The following CBL variants were observed in gnomAD, a reference collection of about 807,000 sequenced individuals.
CBL encodes the protein Cbl proto-oncogene.
In CBL, 45 loss-of-function variants were observed where a neutral mutation model predicts 96.9. That is an observed-to-expected ratio of 0.46 (90% CI 0.37 to 0.60). The LOEUF (loss-of-function observed/expected upper bound fraction) is 0.60. Ranked by LOEUF, CBL falls within the 20% of genes least tolerant of loss-of-function variation. The pLI is 0.00. For synonymous variants in CBL, 420 were observed against 426.8 expected, an observed-to-expected ratio of 0.98 and a Z score of 0.20; for missense variants, 1,024 against 1,143.5, an observed-to-expected ratio of 0.90 and a Z score of 1.51.
intron 2 of CBL, among the ~76,000 whole-genome samples, chr11:119,258,376 G>T (rs1949727496): frequency 6.6e-6 from 1 of 152,198 alleles, no homozygotes; most frequent in South Asian, 2.1e-4. Context: ...AGTCATGGTG[G>T]AAGGTGAAGG....
At chr11:119,210,890 G>A (rs1393314213) in intron 1 of CBL, among the ~76,000 whole-genome samples, 1 of 152,120 alleles carries the variant, frequency 6.6e-6, no homozygotes, top group Admixed American at 6.6e-5. Flanking sequence ...AAGACACCCA[G>A]TGGATGCCTG....
intron 1 of CBL, among the ~76,000 whole-genome samples, chr11:119,231,563 C>T (rs932682625): frequency 9.2e-5 from 14 of 151,796 alleles, no homozygotes; most frequent in African/African-American, 3.4e-4. Flanking sequence ...ACAAAATTAG[C>T]CGGGCATGGT....
chr11:119,214,302 G>A (rs895963161), intron 1 of CBL, among the ~76,000 whole-genome samples: 2 of 151,184 alleles, frequency 1.3e-5, no homozygotes, highest in African/African-American at 4.9e-5. Flanking sequence ...GTACAGTCTC[G>A]GCTCAATGCA....
At chr11:119,297,627 T>C (rs1263115772) in intron 14 of CBL, 146 bp downstream of exon 14, 3 of 700,956 alleles carry the variant, frequency 4.3e-6, no homozygotes, top group Non-Finnish European at 7.7e-6. Context: ...CCGGCTAATT[T>C]TTGTATTTTT....
intron 3 of CBL, among the ~76,000 whole-genome samples, chr11:119,272,273 C>T (rs1299780073): frequency 1.3e-5 from 2 of 152,122 alleles, no homozygotes; most frequent in South Asian, 2.1e-4. Flanking sequence ...AGGTGCCTGC[C>T]ACCACGCCCG....
rs2135297183 is a variant in CBL, at chr11:119,271,886, G to C, written c.590+5G>C. ...GAGAAAAGCTTTTGGGGAAAAGTAA[G>C]TCTCAGAATAATGAATTTGAACTAT... On this transcript the variant is annotated splice_donor_5th_base_variant and intron_variant, in intron 3 of 15. Coordinates refer to ENST00000264033, the MANE Select transcript of CBL (RefSeq NM_005188.4). The C allele has an allele frequency of 6.2e-7, 1 of 1,613,602 alleles. No homozygotes were observed. Among genetic ancestry groups the C allele is most frequent in the Non-Finnish European group, 8.5e-7 (1 of 1,179,632 alleles).
chr11:119,237,279 A>C (rs1949553290), intron 2 of CBL, among the ~76,000 whole-genome samples: 1 of 152,208 alleles, frequency 6.6e-6, no homozygotes, highest in Admixed American at 6.5e-5. Flanking sequence ...TTGTCTTTTC[A>C]TTGTTGAGTT....
chr11:119,220,551 A>G (rs1949399775), intron 1 of CBL, among the ~76,000 whole-genome samples: 1 of 152,160 alleles, frequency 6.6e-6, no homozygotes, highest in South Asian at 2.1e-4. Context: ...GTGAGCTGTG[A>G]TGACGCCACT....
chr11:119,254,893 C>T (rs67196842), intron 2 of CBL, among the ~76,000 whole-genome samples: 89,605 of 152,022 alleles, frequency 0.59, 27,268 homozygotes, highest in East Asian at 0.88. Context: ...TGAGCCACCA[C>T]GTCTGGCTGC....
intron 9 of CBL, among the ~76,000 whole-genome samples, chr11:119,279,231 C>G (rs1216005499): frequency 6.6e-6 from 1 of 151,466 alleles, no homozygotes; most frequent in Non-Finnish European, 1.5e-5. Context: ...TGGGCATGCC[C>G]ATAGCTCATG....
Position 119,278,220 on chromosome 11 carries a change from T to G in CBL, c.1150T>G (p.Cys384Gly), listed in dbSNP as rs387906664. Reference protein sequence around the residue: ...MGSTFQLCKICAENDKDVKIE... With the variant: ...MGSTFQLCKIGAENDKDVKIE... Reference sequence around the variant, plus strand: ...CTCCACATTCCAACTATGTAAAATATGTGCTGAAAATGATAAGGATGTAAA... The same window carrying G: ...CTCCACATTCCAACTATGTAAAATAGGTGCTGAAAATGATAAGGATGTAAA... Residue 384 changes from cysteine (C) to glycine (G), a missense_variant, in exon 8 of 16, where the codon TGT becomes GGT. Transcript: ENST00000264033. 6.2e-7 allele frequency: 1 copy of G among 1,611,962 alleles called. No homozygotes were observed. Among genetic ancestry groups the G allele is most frequent in the Non-Finnish European group, 8.5e-7 (1 of 1,178,002 alleles).
At chr11:119,285,613 G>A (rs777885687) in intron 11 of CBL, 47 bp downstream of exon 11, 2 of 1,598,248 alleles carry the variant, frequency 1.3e-6, no homozygotes, top group South Asian at 2.2e-5. Context: ...AAATATGTGT[G>A]GGCCAGGCAC....
At chr11:119,219,084 A>T (rs1477748650) in intron 1 of CBL, among the ~76,000 whole-genome samples, 1 of 152,128 alleles carries the variant, frequency 6.6e-6, no homozygotes, top group Non-Finnish European at 1.5e-5. Context: ...AGCAAAAAGA[A>T]ATTTATACTA....
In CBL at chr11:119,285,318, T is replaced by G; in HGVS notation, c.1693T>G (p.Leu565Val). The change falls in exon 11 of 16, where the codon TTG becomes GTG. Residue 565 changes from leucine (L) to valine (V), a missense_variant. By Grantham distance (32) the Leu-to-Val change is conservative. Around this residue, in one of 4 missense-constraint regions of CBL, gnomAD observed 695 missense variants for 661.6 expected, o/e 1.05. Transcript: ENST00000264033. ...GAESRPQRRPLPCTPGDCPSR... is the reference protein window; with the variant it reads ...GAESRPQRRPVPCTPGDCPSR... ...AGAATCCCGACCTCAAAGACGCCCCTTGCCTTGTACACCAGGCGACTGTCC... is the reference window on the plus strand; with the variant it reads ...AGAATCCCGACCTCAAAGACGCCCCGTGCCTTGTACACCAGGCGACTGTCC... 6.2e-7 allele frequency: 1 copy of G among 1,614,142 alleles called. No homozygotes were observed. Among genetic ancestry groups the G allele is most frequent in the Non-Finnish European group, 8.5e-7 (1 of 1,180,016 alleles).
chr11:119,270,434 A>ATTTT (rs1565870000), intron 2 of CBL, among the ~76,000 whole-genome samples: 48 of 41,540 alleles, frequency 1.2e-3, no homozygotes, highest in Non-Finnish European at 1.4e-3. Flanking sequence ...ATATATATAT[A>ATTTT]TATTTTTTTT....
At position 119,306,226 on chromosome 11, in the gene CBL, C is replaced by T. The variant is rs547053048; in HGVS notation, c.*6445C>T. ...AGACTAAGCTGTGTGGTGCTCTTGC[C>T]GCCCCTTCCTGGGTACAGAGCTTGA... On this transcript the variant is annotated 3_prime_UTR_variant, in exon 16 of 16. Coordinates refer to ENST00000264033, the MANE Select transcript of CBL (RefSeq NM_005188.4). The T allele has an allele frequency of 1.3e-4, 50 of 398,552 alleles. No individual in the cohort carries two copies. Among genetic ancestry groups the T allele is most frequent in the African/African-American group, 8.2e-4 (40 of 48,722 alleles). The allele number at this position is 398,552 out of a possible 1,614,324, so 24.7% of individuals were successfully genotyped here.
chr11:119,264,000 A>C (rs1272535127), intron 2 of CBL, among the ~76,000 whole-genome samples: 2 of 152,214 alleles, frequency 1.3e-5, no homozygotes, highest in Admixed American at 1.3e-4. Flanking sequence ...TATGAGTCTT[A>C]AGCCTATACC....
intron 2 of CBL, among the ~76,000 whole-genome samples, chr11:119,270,436 ATTTT>A (rs869150071): frequency 2.6e-5 from 1 of 38,658 alleles, no homozygotes; most frequent in African/African-American, 1.1e-4. Flanking sequence ...ATATATATAT[ATTTT>A]TTTTTTTTTT....
At chr11:119,295,709 A>G (rs986207710) in intron 12 of CBL, among the ~76,000 whole-genome samples, 1 of 152,124 alleles carries the variant, frequency 6.6e-6, no homozygotes, top group Non-Finnish European at 1.5e-5. Flanking sequence ...CGAAAAATCT[A>G]GGTGTTTCTT....
Sources: allele counts gnomAD v4.1 joint callset (sites outside exome capture counted in the v4.1 genomes callset), GRCh38; gene constraint gnomAD v4.1.1; regional missense constraint gnomAD v4.1.1; transcripts MANE v1.5; gene names NCBI Gene and HGNC (gene_info 2026-07-23, HGNC 2026-07-21).